The following SDK1 variants were observed in gnomAD, a reference collection of about 807,000 sequenced individuals.
SDK1 encodes the protein sidekick cell adhesion molecule 1.
SDK1 carries 157 observed loss-of-function variants against 245.5 expected under a neutral mutation model. The observed-to-expected ratio is 0.64, with a 90% confidence interval of 0.56 to 0.73. The LOEUF (loss-of-function observed/expected upper bound fraction) is 0.73, where lower values mean the gene tolerates loss of function less well. Among genes scored for constraint, SDK1 ranks in the 30% least tolerant of loss-of-function variants. The pLI, the probability that SDK1 is intolerant of heterozygous loss-of-function variation, is 0.00. For missense variants in SDK1, 3,583 were observed against 3,002.3 expected, an observed-to-expected ratio of 1.19 and a Z score of -4.52; for synonymous variants, 1,647 against 1,278.5, an observed-to-expected ratio of 1.29 and a Z score of -6.15.
At chr7:3,582,090 C>CCTGTCTCAGGTAGAT (rs1562579468) in intron 1 of SDK1, among the ~76,000 whole-genome samples, 1 of 121,006 alleles carries the variant, frequency 8.3e-6, no homozygotes, top group African/African-American at 3.0e-5. Flanking sequence ...CTCAGGTAGG[C>CCTGTCTCAGGTAGAT]CTGTCTCAGG....
chr7:3,417,833 G>A (rs1779416338), intron 1 of SDK1, among the ~76,000 whole-genome samples: 1 of 152,126 alleles, frequency 6.6e-6, no homozygotes, highest in Non-Finnish European at 1.5e-5. Context: ...GAGTCTGAAA[G>A]GCTTCTGTCC....
chr7:3,458,628 A>C (rs1021889129), intron 1 of SDK1, among the ~76,000 whole-genome samples: 1 of 151,956 alleles, frequency 6.6e-6, no homozygotes, highest in Admixed American at 6.6e-5. Context: ...ATGGATTTTT[A>C]CAATTCCAGA....
At position 4,265,378 on chromosome 7, in the gene SDK1, C is replaced by T. The variant is rs1294777167; in HGVS notation, c.6636C>T (p.Phe2212=). 3.5e-6 allele frequency: 5 copies of T among 1,436,274 alleles called. No individual in the cohort carries two copies. Among genetic ancestry groups the T allele is most frequent in the Middle Eastern group, 2.6e-4 (1 of 3,908 alleles). The allele number at this position is 1,436,274 out of a possible 1,614,324, so 89.0% of individuals were successfully genotyped here. The change falls in exon 45 of 45, where the codon TTC becomes TTT. Residue 2212 remains phenylalanine, a synonymous_variant. Coordinates refer to ENST00000404826, the MANE Select transcript of SDK1 (RefSeq NM_152744.4). ...ARTPLTGFSS[F]V ...CTCCGCTCACCGGCTTCTCCTCCTT[C>T]GTGTGAGCAAAGCGCCGCGCCTCCC...
At chr7:4,123,182 A>C (rs945488903) in intron 25 of SDK1, among the ~76,000 whole-genome samples, 1 of 152,218 alleles carries the variant, frequency 6.6e-6, no homozygotes, top group Non-Finnish European at 1.5e-5. Flanking sequence ...AGATTACAGA[A>C]GTAGACCATT....
intron 4 of SDK1, among the ~76,000 whole-genome samples, chr7:3,729,646 T>C (rs1475922413): frequency 2.0e-5 from 3 of 152,214 alleles, no homozygotes; most frequent in Admixed American, 6.5e-5. Context: ...TGAGGCATGT[T>C]GTATATATAC....
intron 1 of SDK1, among the ~76,000 whole-genome samples, chr7:3,599,431 T>C (rs901359763): frequency 2.6e-5 from 4 of 152,244 alleles, no homozygotes; most frequent in African/African-American, 9.6e-5. Flanking sequence ...TGTCTTCTCA[T>C]CTCTCCGTAG....
rs546214165 is a variant in SDK1 at position 3,729,237 on chromosome 7, C to T, written c.713+87132C>T. 9.9e-5 allele frequency among the ~76,000 whole-genome samples: 15 copies of T among 152,230 alleles called. No individual in the cohort carries two copies. In the South Asian group the frequency reaches 1.0e-3, roughly 11 times the overall value. On this transcript the variant is annotated intron_variant, in intron 4 of 44. Coordinates refer to ENST00000404826, the MANE Select transcript of SDK1 (RefSeq NM_152744.4). ...CATCATTTTGTTTTGCATTTGCAGG[C>T]GGAGTTAGCATTTAGATATTCAGGT...
chr7:3,845,013 A>T (rs546423986), intron 5 of SDK1, among the ~76,000 whole-genome samples: 85 of 152,328 alleles, frequency 5.6e-4, no homozygotes, highest in African/African-American at 1.9e-3. Flanking sequence ...GGACTACCTG[A>T]AAAATCTACG....
At chr7:3,931,242 C>G (rs974177026) in intron 5 of SDK1, among the ~76,000 whole-genome samples, 2 of 152,168 alleles carry the variant, frequency 1.3e-5, no homozygotes, top group Non-Finnish European at 2.9e-5. Flanking sequence ...AATTCACAAC[C>G]AAACACTTAA....
chr7:3,614,437 G>T (rs183759625), intron 1 of SDK1, among the ~76,000 whole-genome samples: 1 of 152,126 alleles, frequency 6.6e-6, no homozygotes, highest in Non-Finnish European at 1.5e-5. Context: ...TAATATGTGG[G>T]CCATTGGCTT....
intron 5 of SDK1, among the ~76,000 whole-genome samples, chr7:3,853,899 G>A (rs932150107): frequency 2.0e-5 from 3 of 152,146 alleles, no homozygotes; most frequent in East Asian, 1.9e-4. Flanking sequence ...TGAGGCAGGA[G>A]AATTGCTTGA....
intron 1 of SDK1, among the ~76,000 whole-genome samples, chr7:3,448,464 AT>A (rs35472888): frequency 6.6e-5 from 10 of 150,448 alleles, no homozygotes; most frequent in Middle Eastern, 3.5e-3. Flanking sequence ...GGTTTAGGGT[AT>A]TTTTTTTTGC....
At chr7:3,740,058 A>C (rs1003688937) in intron 4 of SDK1, among the ~76,000 whole-genome samples, 3 of 152,138 alleles carry the variant, frequency 2.0e-5, no homozygotes, top group Non-Finnish European at 2.9e-5. Flanking sequence ...TCTTTAAATT[A>C]TTTGAGGGAT....
chr7:4,070,212 A>G (rs1397276588), intron 20 of SDK1, among the ~76,000 whole-genome samples: 1 of 152,190 alleles, frequency 6.6e-6, no homozygotes, highest in Non-Finnish European at 1.5e-5. Flanking sequence ...TTAGTTCCTA[A>G]TGGGATGTCT....
At chr7:4,087,008 A>G (rs11768921) in intron 22 of SDK1, among the ~76,000 whole-genome samples, 2,452 of 149,326 alleles carry the variant, frequency 0.016, 34 homozygotes, top group South Asian at 0.03. Context: ...CAGCAGCAAC[A>G]TGTATATATT....
chr7:3,311,887 A>C (rs1583667413), intron 1 of SDK1, among the ~76,000 whole-genome samples: 1 of 152,310 alleles, frequency 6.6e-6, no homozygotes, highest in East Asian at 1.9e-4. Flanking sequence ...GTGGTTTCTG[A>C]TCTGAATACA....
At chr7:3,715,512 A>G (rs1365324157) in intron 4 of SDK1, among the ~76,000 whole-genome samples, 1 of 152,122 alleles carries the variant, frequency 6.6e-6, no homozygotes, top group Non-Finnish European at 1.5e-5. Context: ...AGCCCAGGGA[A>G]GTGCGTTCTG....
intron 1 of SDK1, among the ~76,000 whole-genome samples, chr7:3,361,499 C>T (rs141570690): frequency 5.6e-4 from 85 of 152,318 alleles, no homozygotes; most frequent in Non-Finnish European, 4.6e-4. Context: ...TACTCTCTCA[C>T]CTTCGTTTCC....
intron 4 of SDK1, among the ~76,000 whole-genome samples, chr7:3,755,434 A>G (rs575748990): frequency 2.0e-5 from 3 of 152,198 alleles, no homozygotes; most frequent in Non-Finnish European, 4.4e-5. Flanking sequence ...GTCTGTCTGC[A>G]TAGTCCGCCT....
Sources: allele counts gnomAD v4.1 joint callset (sites outside exome capture counted in the v4.1 genomes callset), GRCh38; gene constraint gnomAD v4.1.1; transcripts MANE v1.5; gene names NCBI Gene and HGNC (gene_info 2026-07-23, HGNC 2026-07-21).